The following USP6NL variants were observed in gnomAD, a reference collection of about 807,000 sequenced individuals.
The protein encoded by USP6NL is USP6 N-terminal-like protein.
A neutral mutation model predicts 61.9 loss-of-function variants in USP6NL; 26 were observed. The observed-to-expected ratio is 0.42, with a 90% confidence interval of 0.31 to 0.58. The LOEUF is 0.58. Among genes scored for constraint, USP6NL ranks in the 20% least tolerant of loss-of-function variants. The pLI is 0.16. For missense variants in USP6NL, 1,114 were observed against 1,034.3 expected, an observed-to-expected ratio of 1.08 and a Z score of -1.06; for synonymous variants, 432 against 390.1, an observed-to-expected ratio of 1.11 and a Z score of -1.27.
rs915050403 is a variant in USP6NL at position 11,561,929 on chromosome 10, T to C, written c.5-34362A>G. ...ATATATGCATTCTCAAACAATGTAATTTCCTATCCAGTATTCTCTCATCTT... is the reference window on the plus strand; with the variant it reads ...ATATATGCATTCTCAAACAATGTAACTTCCTATCCAGTATTCTCTCATCTT... On this transcript the variant is annotated intron_variant, in intron 2 of 14. Coordinates refer to ENST00000609104, the MANE Select transcript of USP6NL (RefSeq NM_014688.5). The surrounding 1 kb of genome is among the most constrained non-coding windows in gnomAD (Gnocchi z 4.1). 4.6e-5 allele frequency among the ~76,000 whole-genome samples: 7 copies of C among 152,214 alleles called. No individual in the cohort carries two copies. Among genetic ancestry groups the C allele is most frequent in the African/African-American group, 1.2e-4 (5 of 41,450 alleles).
At chr10:11,467,629 CACTA>C (rs1272632389) in intron 14 of USP6NL, among the ~76,000 whole-genome samples, 3 of 152,162 alleles carry the variant, frequency 2.0e-5, no homozygotes, top group African/African-American at 4.8e-5. Flanking sequence ...GTATTTTTAA[CACTA>C]ACTAGTTAAA....
chr10:11,498,202 C>CT (rs201062574), intron 7 of USP6NL, among the ~76,000 whole-genome samples: 3,974 of 133,310 alleles, frequency 0.03, 155 homozygotes, highest in African/African-American at 0.091. Flanking sequence ...CACCACTGCA[C>CT]TCCAGCCTGG....
intron 6 of USP6NL, 73 bp from the exon 7 acceptor site, chr10:11,501,281 C>T (rs1229739626): frequency 1.7e-6 from 2 of 1,183,090 alleles, no homozygotes; most frequent in Non-Finnish European, 2.4e-6. Context: ...GTTAATCTTG[C>T]TAATATTTGT....
chr10:11,476,603 T>A lies in USP6NL; in HGVS notation c.1078+5167A>T, dbSNP rs1832976160. 2.0e-5 allele frequency among the ~76,000 whole-genome samples: 3 copies of A among 152,210 alleles called. No individual in the cohort carries two copies. Among genetic ancestry groups the A allele is most frequent in the Admixed American group, 2.0e-4 (3 of 15,284 alleles). On this transcript the variant is annotated intron_variant, in intron 14 of 14. Coordinates refer to ENST00000609104, the MANE Select transcript of USP6NL (RefSeq NM_014688.5). The surrounding 1 kb of genome is among the most constrained non-coding windows in gnomAD (Gnocchi z 4.3). ...ATCATTTTTAATTTTTACATCATAT[T>A]TCTCTGTATTTTTGATAGTTTTCAT...
At chr10:11,601,675 C>A (rs1222221032) in intron 1 of USP6NL, among the ~76,000 whole-genome samples, 1 of 152,154 alleles carries the variant, frequency 6.6e-6, no homozygotes, top group Non-Finnish European at 1.5e-5. Context: ...TTAAGCCATG[C>A]TTAAGAGGCC....
rs1342964004 is a variant in USP6NL, at chr10:11,602,653, A to G, written c.-83-4936T>C. Among the ~76,000 whole-genome samples the G allele has an allele frequency of 1.3e-5, 2 of 152,106 alleles. No homozygotes were observed. Among genetic ancestry groups the G allele is most frequent in the African/African-American group, 4.8e-5 (2 of 41,406 alleles). ...TGCTGGTTGAGTATGCCAAATCTAA[A>G]CTTTCTGAAATCAGACACGTTTTGA... On this transcript the variant is annotated intron_variant, in intron 1 of 14. Coordinates refer to ENST00000609104, the MANE Select transcript of USP6NL (RefSeq NM_014688.5). This position sits in a 1 kb window ranked among gnomAD's most constrained non-coding sequence, Gnocchi z 4.8.
intron 2 of USP6NL, among the ~76,000 whole-genome samples, chr10:11,536,396 C>G (rs539067767): frequency 3.3e-5 from 5 of 152,278 alleles, no homozygotes; most frequent in Admixed American, 2.6e-4. Flanking sequence ...TCCTCCCATG[C>G]CTGGGGAAAA....
chr10:11,582,980 T>C (rs1837836731), intron 2 of USP6NL, among the ~76,000 whole-genome samples: 1 of 149,348 alleles, frequency 6.7e-6, no homozygotes, highest in African/African-American at 2.5e-5. Flanking sequence ...ACAGGGGTAA[T>C]CAACCTCCTT....
At chr10:11,580,354 A>G (rs1566196158) in intron 2 of USP6NL, among the ~76,000 whole-genome samples, 1 of 152,238 alleles carries the variant, frequency 6.6e-6, no homozygotes, top group Non-Finnish European at 1.5e-5. Context: ...TTTGCATACT[A>G]TCTGAACAGT....
chr10:11,497,093 C>CT (rs11287847), intron 7 of USP6NL, among the ~76,000 whole-genome samples: 3 of 130,714 alleles, frequency 2.3e-5, no homozygotes, highest in African/African-American at 8.6e-5. Context: ...TCTCTTCCAT[C>CT]TTTTTTTTTT....
chr10:11,582,061 T>C lies in USP6NL; in HGVS notation c.4+15570A>G, dbSNP rs184022039. Among the ~76,000 whole-genome samples the C allele has an allele frequency of 7.9e-5, 12 of 152,322 alleles. 1 individual carries two copies. The East Asian group carries it at 1.4e-3, about 17-fold the overall frequency. ...CTCACTGCAACCTCCACCTCCCGGC[T>C]TCAAGCGATTCTCCTGCCACAGCCT... is the stretch of plus-strand genomic sequence containing the variant. On this transcript the variant is annotated intron_variant, in intron 2 of 14. Transcript: ENST00000609104.
At chr10:11,608,948 T>C (rs903486908) in intron 1 of USP6NL, among the ~76,000 whole-genome samples, 7 of 152,346 alleles carry the variant, frequency 4.6e-5, no homozygotes, top group Admixed American at 2.0e-4. Context: ...TTCTTTTCAA[T>C]TATTATTCTT....
At chr10:11,534,798 T>C (rs1211121113) in intron 2 of USP6NL, among the ~76,000 whole-genome samples, 3 of 152,232 alleles carry the variant, frequency 2.0e-5, no homozygotes, top group East Asian at 1.9e-4. Flanking sequence ...GTAAATGCTA[T>C]TGACATTATT....
chr10:11,472,861 G>A (rs1156995543), intron 14 of USP6NL, among the ~76,000 whole-genome samples: 1 of 152,174 alleles, frequency 6.6e-6, no homozygotes, highest in East Asian at 1.9e-4. Context: ...AAAGGAAAAA[G>A]AGACTATTAT....
At chr10:11,581,260 CT>C (rs1837761030) in intron 2 of USP6NL, among the ~76,000 whole-genome samples, 1 of 152,302 alleles carries the variant, frequency 6.6e-6, no homozygotes, top group Middle Eastern at 3.4e-3. Context: ...TTACTTTGTA[CT>C]TTTTGTTACT....
intron 2 of USP6NL, among the ~76,000 whole-genome samples, chr10:11,584,980 A>C (rs1020743629): frequency 1.2e-4 from 18 of 152,248 alleles, no homozygotes; most frequent in Non-Finnish European, 5.9e-5. Flanking sequence ...TGAAACTCCA[A>C]TAAATATATA....
At chr10:11,605,852 C>T (rs1240938797) in intron 1 of USP6NL, among the ~76,000 whole-genome samples, 2 of 151,962 alleles carry the variant, frequency 1.3e-5, no homozygotes, top group African/African-American at 4.8e-5. Context: ...AAAACAACAC[C>T]ACAAGAGGCA....
chr10:11,497,600 G>C (rs764086108), intron 7 of USP6NL, among the ~76,000 whole-genome samples: 4 of 151,954 alleles, frequency 2.6e-5, no homozygotes, highest in African/African-American at 4.8e-5. Flanking sequence ...AGACCCAAAC[G>C]CATCTATAGT....
Position 11,611,398 on chromosome 10 carries a change from GCC to G in USP6NL, c.-84+43_-84+44del, listed in dbSNP as rs1161251745. ...CCCGGGGAGGACGCCCGCGGAGCCC[GCC>G]GCCGCCGGCCCCTCACGGCGGGAGC... On this transcript the variant is annotated intron_variant, in intron 1 of 14. Transcript: ENST00000609104. The surrounding 1 kb of genome is among the most constrained non-coding windows in gnomAD (Gnocchi z 5.3). 6.6e-6 allele frequency: 1 copy of G among 152,296 alleles called. No homozygotes were observed. The highest frequency in any genetic ancestry group is 2.4e-5 in the African/African-American group (1 of 41,372). 9.4% of individuals were successfully genotyped at this position (152,296 alleles called of 1,614,324 possible). A position where few individuals can be genotyped will look rare whatever the true frequency, so the allele number is the denominator to read the frequency against.
Sources: allele counts gnomAD v4.1 joint callset (sites outside exome capture counted in the v4.1 genomes callset), GRCh38; gene constraint gnomAD v4.1.1; non-coding constraint Gnocchi (gnomAD v3.1); transcripts MANE v1.5; gene names NCBI Gene and HGNC (gene_info 2026-07-23, HGNC 2026-07-21).